The following OCSTAMP variants were observed in gnomAD, a reference collection of about 807,000 sequenced individuals.
OCSTAMP encodes the protein osteoclast stimulatory transmembrane protein, also known as transmembrane protein C20orf123.
A neutral mutation model predicts 25.2 loss-of-function variants in OCSTAMP; 17 were observed. The observed-to-expected ratio is 0.68, with a 90% confidence interval of 0.46 to 1.01. The LOEUF (loss-of-function observed/expected upper bound fraction) is 1.01, where lower values mean the gene tolerates loss of function less well. Among genes scored for constraint, OCSTAMP ranks in the 50% least tolerant of loss-of-function variants. OCSTAMP has a pLI of 0.00. For missense variants in OCSTAMP, 664 were observed against 694.6 expected (o/e 0.96, Z 0.50); for synonymous variants, 345 against 318.9 (o/e 1.08, Z -0.87).
At chr20:46,542,200 C>T (rs2061836780) in intron 2 of OCSTAMP, among the ~76,000 whole-genome samples, 1 of 152,186 alleles carries the variant, frequency 6.6e-6, no homozygotes, top group Non-Finnish European at 1.5e-5. Context: ...TTGCTCCTTG[C>T]TGAGTCCTTA....
intron 2 of OCSTAMP, among the ~76,000 whole-genome samples, chr20:46,544,830 T>C (rs1309143917): frequency 1.3e-5 from 2 of 152,226 alleles, no homozygotes; most frequent in African/African-American, 4.8e-5. Flanking sequence ...AAGGCTATAG[T>C]TGGATGCCTC....
chr20:46,543,291 CT>C (rs2061840847), intron 2 of OCSTAMP, among the ~76,000 whole-genome samples: 27 of 106,326 alleles, frequency 2.5e-4, no homozygotes, highest in South Asian at 7.4e-4. Context: ...CTCTTTCTTT[CT>C]CTCTTTCTCT....
At chr20:46,550,204 T>C (rs2061866480) in intron 1 of OCSTAMP, among the ~76,000 whole-genome samples, 1 of 152,220 alleles carries the variant, frequency 6.6e-6, no homozygotes, top group Non-Finnish European at 1.5e-5. Context: ...TCATATTGGA[T>C]GACAATTCCT....
At position 46,546,163 on chromosome 20, in the gene OCSTAMP, C is replaced by A. The variant is rs1431835154; in HGVS notation, c.211G>T (p.Ala71Ser). Reference sequence around the variant, plus strand: ...CCAGGAGGATAAAGCAGCAAGGATGCCAGCCAGTGATAAACCAGACCTGCA... The same window carrying A: ...CCAGGAGGATAAAGCAGCAAGGATGACAGCCAGTGATAAACCAGACCTGCA... ...AAAGLVYHWLASLLLYPPGPS... is the reference protein window; with the variant it reads ...AAAGLVYHWLSSLLLYPPGPS... Residue 71 changes from alanine (A) to serine (S), a missense_variant, in exon 2 of 3, where the codon GCA becomes TCA. Coordinates refer to ENST00000279028, the MANE Select transcript of OCSTAMP (RefSeq NM_080721.3). 1.3e-6 allele frequency: 2 copies of A among 1,551,614 alleles called. No homozygotes were observed. The highest frequency in any genetic ancestry group is 1.7e-6 in the Non-Finnish European group (2 of 1,147,016).
chr20:46,548,542 G>A (rs1404817696), intron 1 of OCSTAMP, among the ~76,000 whole-genome samples: 1 of 152,208 alleles, frequency 6.6e-6, no homozygotes, highest in Non-Finnish European at 1.5e-5. Flanking sequence ...GTACAAAATG[G>A]TTGCCCAGGA....
chr20:46,544,958 T>C (rs2061846228), intron 2 of OCSTAMP, among the ~76,000 whole-genome samples: 1 of 152,212 alleles, frequency 6.6e-6, no homozygotes, highest in African/African-American at 2.4e-5. Context: ...CTAGGTACTT[T>C]AAGACAATAC....
chr20:46,543,295 C>T (rs1403533189), intron 2 of OCSTAMP, among the ~76,000 whole-genome samples: 2 of 90,336 alleles, frequency 2.2e-5, no homozygotes, highest in African/African-American at 9.2e-5. Flanking sequence ...TTCTTTCTCT[C>T]TTTCTCTTTC....
chr20:46,548,200 C>A (rs1171474379), intron 1 of OCSTAMP, among the ~76,000 whole-genome samples: 1 of 152,190 alleles, frequency 6.6e-6, no homozygotes, highest in Non-Finnish European at 1.5e-5. Flanking sequence ...CATATCACAA[C>A]CTTTCTGTGT....
chr20:46,543,660 G>T (rs1601101879), intron 2 of OCSTAMP, among the ~76,000 whole-genome samples: 2 of 151,838 alleles, frequency 1.3e-5, no homozygotes, highest in South Asian at 2.1e-4. Context: ...TTATGTATAC[G>T]CGAGAAAGAT....
Position 46,541,661 on chromosome 20 carries a change from C to A in OCSTAMP, c.1314G>T (p.Glu438Asp), listed in dbSNP as rs199940126. 4.8e-4 allele frequency: 738 copies of A among 1,550,782 alleles called. No homozygotes were observed. The highest frequency in any genetic ancestry group is 6.0e-4 in the Non-Finnish European group (693 of 1,146,982). ...AIAASFFTAQ[E>D]ARRVRHLHAR... ...CGTGCAGGTGGCGGACCCTCCTCGC[C>A]TCCTGGGCTGTGAAGAAGGAAGCGG... Residue 438 changes from glutamate to aspartate, a missense_variant, in exon 3 of 3, where the codon GAG (glutamate) becomes GAT (aspartate). Physicochemically the swap from Glu to Asp is conservative, Grantham distance 45. Coordinates refer to ENST00000279028, the MANE Select transcript of OCSTAMP (RefSeq NM_080721.3).
chr20:46,547,651 G>A (rs1318738399), intron 1 of OCSTAMP, among the ~76,000 whole-genome samples: 3 of 152,236 alleles, frequency 2.0e-5, no homozygotes, highest in East Asian at 1.9e-4. Context: ...TGTTGACCTT[G>A]GCAGGGAGAG....
rs962823184 is a variant in OCSTAMP, at chr20:46,541,297, T to G, written c.1678A>C (p.Thr560Pro). Residue 560 changes from threonine (T) to proline (P), a missense_variant, in exon 3 of 3, where the codon ACT (threonine) becomes CCT (proline). By Grantham distance (38) the Thr-to-Pro change is conservative. Transcript: ENST00000279028. ...RRDVVRMEGN[T>P]GHDRPG ...GGTTATCCAGGCCTATCATGCCCAG[T>G]ATTTCCTTCCATCCTGACCACATCC... 2.8e-6 allele frequency: 2 copies of G among 725,372 alleles called. No homozygotes were observed. Among genetic ancestry groups the G allele is most frequent in the Non-Finnish European group, 5.1e-6 (2 of 391,350 alleles). The allele number at this position is 725,372 out of a possible 1,614,324, so 44.9% of individuals were successfully genotyped here. A position where few individuals can be genotyped will look rare whatever the true frequency, so the allele number is the denominator to read the frequency against.
rs1432487790 is a variant in OCSTAMP at position 46,550,549 on chromosome 20, G to A, written c.12C>T (p.His4=). MPG[H]PGAAEQLVKT... ...TGACAAGTTGCTCAGCTGCTCCTGG[G>A]TGGCCTGGCATGCTGTCCAAATGGC... The change falls in exon 1 of 3, where the codon CAC becomes CAT. Residue 4 remains histidine (H), a synonymous_variant. Transcript: ENST00000279028. 7 of 1,551,688 alleles carry A rather than the reference G, an allele frequency of 4.5e-6. No individual in the cohort carries two copies. The African/African-American group carries it at 6.8e-5, about 15-fold the overall frequency.
rs1013451346 is a variant in OCSTAMP, at chr20:46,546,074, G to A, written c.300C>T (p.Pro100=). 2.6e-6 allele frequency: 4 copies of A among 1,551,552 alleles called. No individual in the cohort carries two copies. The highest frequency in any genetic ancestry group is 2.7e-5 in the African/African-American group (2 of 73,050). Residue 100 remains proline (P), a synonymous_variant, in exon 2 of 3, where the codon CCC becomes CCT. Coordinates refer to ENST00000279028, the MANE Select transcript of OCSTAMP (RefSeq NM_080721.3). ...LLVFLSLGLV[P]PVRCLFALSV... Reference sequence around the variant, plus strand: ...TGAGTGCAAACAGGCAGCGGACTGGGGGTACCAGGCCCAGGCTCAGGAAGA... The same window carrying A: ...TGAGTGCAAACAGGCAGCGGACTGGAGGTACCAGGCCCAGGCTCAGGAAGA...
In OCSTAMP at chr20:46,545,378, G is replaced by T; in HGVS notation, c.996C>A (p.Asp332Glu). The T allele has an allele frequency of 6.6e-7, 1 of 1,522,790 alleles. No individual in the cohort carries two copies. The allele number at this position is 1,522,790 out of a possible 1,614,324, so 94.3% of individuals were successfully genotyped here. A position where few individuals can be genotyped will look rare whatever the true frequency, so the allele number is the denominator to read the frequency against. Residue 332 changes from aspartate (D) to glutamate (E), a missense_variant, in exon 2 of 3, where the codon GAC becomes GAA. Asp to Glu is a conservative substitution (Grantham distance 45, BLOSUM62 2). Transcript: ENST00000279028. ...VAFLLAQATV[D>E]WAQKLPTVPI... Reference sequence around the variant, plus strand: ...GCACAGTTGGCAACTTCTGAGCCCAGTCCACAGTAGCCTGTGCCAGGAGGA... The same window carrying T: ...GCACAGTTGGCAACTTCTGAGCCCATTCCACAGTAGCCTGTGCCAGGAGGA...
Position 46,541,383 on chromosome 20 carries a change from C to A in OCSTAMP, c.1592G>T (p.Arg531Leu). 1 of 935,770 alleles carries A rather than the reference C, an allele frequency of 1.1e-6. No individual in the cohort carries two copies. Among genetic ancestry groups the A allele is most frequent in the Non-Finnish European group, 1.7e-6 (1 of 584,384 alleles). The allele number at this position is 935,770 out of a possible 1,614,324, so 58.0% of individuals were successfully genotyped here. A position where few individuals can be genotyped will look rare whatever the true frequency, so the allele number is the denominator to read the frequency against. ...LGKSLHLSEP[R>L]FLHLHNDSIF... ...GCTGTCGTTATGCAGATGTAGAAAC[C>A]GAGGCTCAGAGAGGTGAAGTGACTT... The change falls in exon 3 of 3, where the codon CGG (arginine) becomes CTG (leucine). Residue 531 changes from arginine to leucine, a missense_variant. Arg to Leu is a moderately radical substitution (Grantham distance 102). Transcript: ENST00000279028.
Position 46,545,966 on chromosome 20 carries a change from G to C in OCSTAMP, c.408C>G (p.Pro136=). The C allele has an allele frequency of 6.4e-7, 1 of 1,551,442 alleles. No homozygotes were observed. The highest frequency in any genetic ancestry group is 8.7e-7 in the Non-Finnish European group (1 of 1,147,002). Residue 136 remains proline, a synonymous_variant, in exon 2 of 3, where the codon CCC becomes CCG. Coordinates refer to ENST00000279028, the MANE Select transcript of OCSTAMP (RefSeq NM_080721.3). ...CCGCACCCACGTTGGCCAGGACGTT[G>C]GGCACCACAGCAATGGCCAGGGTGG... is the stretch of plus-strand genomic sequence containing the variant. The part of the protein sequence containing the change: ...STATLAIAVV[P]NVLANVGAAG...
chr20:46,550,541 G>T lies in OCSTAMP; in HGVS notation c.20C>A (p.Ala7Glu). The T allele has an allele frequency of 1.3e-6, 2 of 1,551,714 alleles. No individual in the cohort carries two copies. Among genetic ancestry groups the T allele is most frequent in the East Asian group, 4.9e-5 (2 of 40,920 alleles). ...CCCGGTCTTGACAAGTTGCTCAGCT[G>T]CTCCTGGGTGGCCTGGCATGCTGTC... MPGHPG[A>E]AEQLVKTGWR... Residue 7 changes from alanine to glutamate, a missense_variant, in exon 1 of 3, where the codon GCA becomes GAA. Physicochemically the swap from Ala to Glu is moderately radical, Grantham distance 107. Transcript: ENST00000279028.
In OCSTAMP at chr20:46,541,853, G is replaced by T; in HGVS notation, c.1122C>A (p.Val374=). The change falls in exon 3 of 3, where the codon GTC becomes GTA. Residue 374 remains valine, a synonymous_variant. Transcript: ENST00000279028. ...QLAPESPFLS[V]HSSYQWELRL... ...GGAGCTCCCATTGGTAGGAGCTGTGGACGGAGAGGAAGGGGCTCTCCGGAG... is the reference window on the plus strand; with the variant it reads ...GGAGCTCCCATTGGTAGGAGCTGTGTACGGAGAGGAAGGGGCTCTCCGGAG... 1 of 1,472,228 alleles carries T rather than the reference G, an allele frequency of 6.8e-7. No homozygotes were observed. Among genetic ancestry groups the T allele is most frequent in the South Asian group, 1.5e-5 (1 of 68,676 alleles). 91.2% of individuals were successfully genotyped at this position (1,472,228 alleles called of 1,614,324 possible).
Sources: gnomAD v4.1 joint callset for allele counts (sites outside exome capture counted in the v4.1 genomes callset) on GRCh38, gnomAD v4.1.1 for gene constraint, MANE v1.5 for transcripts, NCBI Gene and HGNC (gene_info 2026-07-23, HGNC 2026-07-21) for gene names.